TTC7A: variants seen among roughly 807,000 people sequenced by gnomAD.
TTC7A encodes tetratricopeptide repeat domain 7A.
In TTC7A, 110 loss-of-function variants were observed where a neutral mutation model predicts 103.7. The ratio of observed to expected loss-of-function variants is 1.06; its 90% confidence interval spans 0.91 to 1.24. The LOEUF is 1.24. TTC7A is among the 50% of genes most tolerant of loss of function. The pLI is 0.00. For missense variants in TTC7A, 1,340 were observed against 1,116.3 expected (o/e 1.20, Z -2.86); for synonymous variants, 521 against 467.9 (o/e 1.11, Z -1.47).
chr2:46,973,119 G>A (rs1490037126), intron 3 of TTC7A, among the ~76,000 whole-genome samples: 2 of 152,144 alleles, frequency 1.3e-5, no homozygotes, highest in Non-Finnish European at 2.9e-5. Context: ...GCTCTTTGAG[G>A]GGACAAAGAC....
intron 16 of TTC7A, chr2:47,046,755 A>T (rs1374404018): frequency 9.7e-6 from 3 of 307,874 alleles, no homozygotes; most frequent in Non-Finnish European, 1.2e-5. Context: ...CTTATGCATT[A>T]TCAGATTTTA....
chr2:47,049,908 C>T (rs1317518955), intron 16 of TTC7A, 41 bp from the exon 17 acceptor site: 2 of 1,504,734 alleles, frequency 1.3e-6, no homozygotes, highest in African/African-American at 1.4e-5. Context: ...GTGATGCTAG[C>T]CCTCTACCTT....
rs1320918164 is a variant in TTC7A at position 47,007,016 on chromosome 2, G to A, written c.1287+292G>A. 6.6e-6 allele frequency among the ~76,000 whole-genome samples: 1 copy of A among 152,178 alleles called. No individual in the cohort carries two copies. The highest frequency in any genetic ancestry group is 2.4e-5 in the African/African-American group (1 of 41,426). On this transcript the variant is annotated intron_variant, in intron 10 of 19. Coordinates refer to ENST00000319190, the MANE Select transcript of TTC7A (RefSeq NM_020458.4). This position sits in a 1 kb window ranked among gnomAD's most constrained non-coding sequence, Gnocchi z 4.9. ...TCCTCTGTGCTGAAGAGCTAATAAT[G>A]TGACTGCATGTGGTGGATATGAGGT... is the stretch of plus-strand genomic sequence containing the variant.
rs150663466 is a variant in TTC7A, at chr2:46,967,714, A to G, written c.518-7259A>G. ...TTTAACTATTGTGAATAATGCTGCT[A>G]TAAATGCTAGTGTACTAATACCTCT... is the stretch of plus-strand genomic sequence containing the variant. On this transcript the variant is annotated intron_variant, in intron 3 of 19. Coordinates refer to ENST00000319190, the MANE Select transcript of TTC7A (RefSeq NM_020458.4). 7.8e-3 allele frequency among the ~76,000 whole-genome samples: 1,185 copies of G among 152,264 alleles called. 14 individuals are homozygous for G. The highest frequency in any genetic ancestry group is 0.027 in the African/African-American group (1,111 of 41,536).
upstream of TTC7A, among the ~76,000 whole-genome samples, chr2:46,939,477 C>G (rs1670150278): frequency 6.6e-6 from 1 of 152,190 alleles, no homozygotes; most frequent in Admixed American, 6.5e-5. Context: ...CTGTTCCTCC[C>G]CACACTCCTT....
intron 15 of TTC7A, among the ~76,000 whole-genome samples, chr2:47,032,815 T>G (rs1278476236): frequency 6.8e-6 from 1 of 147,970 alleles, no homozygotes; most frequent in Non-Finnish European, 1.5e-5. Context: ...ACAGGGACTT[T>G]TGGCCTCCAG....
At chr2:47,009,062 A>G (rs1376582509) in intron 10 of TTC7A, among the ~76,000 whole-genome samples, 1 of 152,166 alleles carries the variant, frequency 6.6e-6, no homozygotes, top group Non-Finnish European at 1.5e-5. Flanking sequence ...TTCAGCAGCC[A>G]TGAGAAGGAG....
chr2:46,928,748 T>C, intron 2 of TTC7A, among the ~76,000 whole-genome samples: 1 of 149,136 alleles, frequency 6.7e-6, no homozygotes, highest in East Asian at 2.0e-4. Context: ...CCAGCGTGGG[T>C]AATGTGAGAC....
chr2:47,039,373 G>C (rs888449351), intron 15 of TTC7A, among the ~76,000 whole-genome samples: 1 of 152,192 alleles, frequency 6.6e-6, no homozygotes, highest in Admixed American at 6.5e-5. Flanking sequence ...AGCCAGCTCT[G>C]CTCTGCCAAC....
chr2:46,953,304 C>T (rs1437064968), intron 2 of TTC7A, among the ~76,000 whole-genome samples: 2 of 152,102 alleles, frequency 1.3e-5, no homozygotes, highest in African/African-American at 4.8e-5. Context: ...TAGGCATGCA[C>T]CACCACACCC....
At chr2:46,962,870 T>C (rs1224291614) in intron 3 of TTC7A, among the ~76,000 whole-genome samples, 3 of 152,244 alleles carry the variant, frequency 2.0e-5, no homozygotes, top group African/African-American at 7.2e-5. Context: ...CAAGGGCTTG[T>C]TTGCCAGGTT....
intron 8 of TTC7A, among the ~76,000 whole-genome samples, chr2:47,004,884 G>C (rs1041132497): frequency 2.4e-4 from 36 of 151,962 alleles, no homozygotes; most frequent in Non-Finnish European, 7.4e-5. Flanking sequence ...TTTGCCCCCA[G>C]CCTGCGTGTT....
intron 18 of TTC7A, among the ~76,000 whole-genome samples, chr2:47,059,108 G>A (rs1407154533): frequency 3.2e-5 from 4 of 125,886 alleles, no homozygotes; most frequent in Admixed American, 1.1e-4. Flanking sequence ...CACAACCTCC[G>A]CCTCCCAGAT....
chr2:46,947,298 A>G (rs11897050), intron 1 of TTC7A, among the ~76,000 whole-genome samples: 10,353 of 152,258 alleles, frequency 0.068, 469 homozygotes, highest in African/African-American at 0.13. Context: ...TAGAGATGAA[A>G]TGATGCTATA....
rs1331045839 is a variant in TTC7A, at chr2:47,062,982, C to T, written c.2355+2011C>T. Among the ~76,000 whole-genome samples the T allele has an allele frequency of 5.2e-5, 8 of 152,388 alleles. No homozygotes were observed. The South Asian group carries it at 1.0e-3, about 20-fold the overall frequency. ...CCCATCCCGTCTACAGGCTCTGTTC[C>T]TGCCAGCATCCCACACATATGCATA... On this transcript the variant is annotated intron_variant, in intron 19 of 19. Transcript: ENST00000319190.
At chr2:46,959,902 C>T (rs1165978848) in intron 3 of TTC7A, among the ~76,000 whole-genome samples, 2 of 152,198 alleles carry the variant, frequency 1.3e-5, no homozygotes, top group Admixed American at 6.5e-5. Context: ...CCTCCACCTC[C>T]TCTGAGGGGA....
chr2:47,024,623 T>C (rs1404438683), intron 14 of TTC7A, among the ~76,000 whole-genome samples: 2 of 151,962 alleles, frequency 1.3e-5, no homozygotes, highest in East Asian at 3.9e-4. Flanking sequence ...TGGACTGAGA[T>C]GTTGATGAGT....
At chr2:46,981,514 T>C (rs1674456667) in intron 5 of TTC7A, among the ~76,000 whole-genome samples, 1 of 152,062 alleles carries the variant, frequency 6.6e-6, no homozygotes, top group Admixed American at 6.5e-5. Context: ...AGGCTGAGGA[T>C]TGTAGGACAG....
intron 19 of TTC7A, among the ~76,000 whole-genome samples, chr2:47,063,110 G>A (rs912157423): frequency 1.3e-4 from 20 of 152,240 alleles, no homozygotes; most frequent in Non-Finnish European, 2.9e-5. Context: ...ACAGATCTAA[G>A]TGTCTTCCCT....
Sources: gnomAD v4.1 joint callset for allele counts (sites outside exome capture counted in the v4.1 genomes callset) on GRCh38, gnomAD v4.1.1 for gene constraint, Gnocchi (gnomAD v3.1) non-coding constraint, MANE v1.5 for transcripts, NCBI Gene and HGNC (gene_info 2026-07-23, HGNC 2026-07-21) for gene names.